FBXO36: variants seen among roughly 807,000 people sequenced by gnomAD.
FBXO36 encodes F-box protein 36, also known as F-box only protein 36.
Under a neutral mutation model 17.0 loss-of-function variants are expected in FBXO36, and 18 were observed. That is an observed-to-expected ratio of 1.06 (90% CI 0.73 to 1.57). FBXO36 has a LOEUF of 1.57. FBXO36 is among the 40% of genes most tolerant of loss of function. The pLI is 0.00. For synonymous variants in FBXO36, 83 were observed against 85.3 expected (o/e 0.97, Z 0.15); for missense variants, 229 against 221.9 (o/e 1.03, Z -0.20).
At chr2:229,980,482 G>T (rs939488957) in intron 2 of FBXO36, among the ~76,000 whole-genome samples, 2 of 152,118 alleles carry the variant, frequency 1.3e-5, no homozygotes, top group African/African-American at 4.8e-5. Context: ...TGGAGATGGG[G>T]ATTTGGGCCA....
At chr2:229,978,536 G>A (rs562394080) in intron 2 of FBXO36, among the ~76,000 whole-genome samples, 13 of 149,302 alleles carry the variant, frequency 8.7e-5, no homozygotes, top group African/African-American at 2.7e-4. Flanking sequence ...GCGGTGAGCC[G>A]AGATCACGCC....
rs2077321514 is a variant in FBXO36 at position 229,995,582 on chromosome 2, CTCTT to C, written c.206-1155_206-1152del. ...CCTTCCTTTCTTTCTTTCTTTCTTT[CTCTT>C]TCTTTCTTTCTTTTTTTTTTTTTTG... On this transcript the variant is annotated intron_variant, in intron 2 of 3. Coordinates refer to ENST00000283946, the MANE Select transcript of FBXO36 (RefSeq NM_174899.5). 5.1e-5 allele frequency among the ~76,000 whole-genome samples: 5 copies of C among 98,698 alleles called. No individual in the cohort carries two copies. The East Asian group carries it at 8.8e-4, about 17-fold the overall frequency. 64.7% of individuals were successfully genotyped at this position (98,698 alleles called of 152,430 possible).
rs143025229 is a variant in FBXO36 at position 229,970,483 on chromosome 2, G to A, written c.97-5758G>A. ...GAAGAGTGCACTTTTAACCTAGGCT[G>A]TAAATAGTTATGGGAGGGCATAGTG... On this transcript the variant is annotated intron_variant, in intron 1 of 3. Transcript: ENST00000283946. Among the ~76,000 whole-genome samples, 530 of 152,300 alleles carry A rather than the reference G, an allele frequency of 3.5e-3. 7 individuals are homozygous for A. Among genetic ancestry groups the A allele is most frequent in the South Asian group, 0.032 (154 of 4,828 alleles).
intron 2 of FBXO36, among the ~76,000 whole-genome samples, chr2:229,992,934 CCT>C (rs2077305301): frequency 6.6e-6 from 1 of 152,130 alleles, no homozygotes; most frequent in Non-Finnish European, 1.5e-5. Flanking sequence ...GTCTCATGGA[CCT>C]CTCCATAGTG....
Position 230,005,689 on chromosome 2 carries a change from A to G in FBXO36, c.379-5007A>G, listed in dbSNP as rs149605446. The stretch of plus-strand genomic sequence containing the variant: ...TTATTCATTCATTCATTTATTTGAG[A>G]TGGAGTCTCACTCTGTTACTCAGGT... On this transcript the variant is annotated intron_variant, in intron 3 of 3. Coordinates refer to ENST00000283946, the MANE Select transcript of FBXO36 (RefSeq NM_174899.5). 9.7e-4 allele frequency among the ~76,000 whole-genome samples: 147 copies of G among 152,304 alleles called. 1 individual carries two copies. In the East Asian group the frequency reaches 0.012, roughly 13 times the overall value.
Position 229,938,216 on chromosome 2 carries a change from C to CTTTTTTTT in FBXO36, c.96+15622_96+15629dup, listed in dbSNP as rs71049603. ...AACCGGATTGGTTAGATACAACTTT[C>CTTTTTTTT]TTTTTTTTTTTTTTTTTTTTTTGAG... is the stretch of plus-strand genomic sequence containing the variant. On this transcript the variant is annotated intron_variant, in intron 1 of 3. Coordinates refer to ENST00000283946, the MANE Select transcript of FBXO36 (RefSeq NM_174899.5). Among the ~76,000 whole-genome samples, 30 of 73,242 alleles carry CTTTTTTTT rather than the reference C, an allele frequency of 4.1e-4. 2 individuals carry two copies. Among genetic ancestry groups the CTTTTTTTT allele is most frequent in the South Asian group, 1.1e-3 (2 of 1,752 alleles). The allele number at this position is 73,242 out of a possible 152,430, so 48.0% of individuals were successfully genotyped here.
At chr2:230,004,647 A>G (rs2077377386) in intron 3 of FBXO36, among the ~76,000 whole-genome samples, 1 of 152,196 alleles carries the variant, frequency 6.6e-6, no homozygotes, top group South Asian at 2.1e-4. Context: ...GCATGTAGTA[A>G]CATATTATAT....
At chr2:229,967,528 T>C (rs1028913692) in intron 1 of FBXO36, among the ~76,000 whole-genome samples, 1 of 152,194 alleles carries the variant, frequency 6.6e-6, no homozygotes, top group South Asian at 2.1e-4. Context: ...CATAAATAGC[T>C]GTTATTATTT....
intron 2 of FBXO36, among the ~76,000 whole-genome samples, chr2:229,982,424 A>G (rs1306986857): frequency 2.6e-5 from 4 of 152,012 alleles, no homozygotes; most frequent in Non-Finnish European, 5.9e-5. Flanking sequence ...TTCTCTGACT[A>G]TGACTCTCCT....
chr2:229,935,034 A>C (rs1489165595), intron 1 of FBXO36, among the ~76,000 whole-genome samples: 1 of 152,212 alleles, frequency 6.6e-6, no homozygotes, highest in Non-Finnish European at 1.5e-5. Flanking sequence ...AATCCAAAAG[A>C]AAATACCTGC....
intron 3 of FBXO36, among the ~76,000 whole-genome samples, chr2:229,998,695 T>C (rs1486850105): frequency 6.6e-6 from 1 of 151,434 alleles, no homozygotes; most frequent in African/African-American, 2.4e-5. Context: ...GGAGGCTGAA[T>C]AGGAGGATCA....
At chr2:229,968,611 G>A (rs2077165507) in intron 1 of FBXO36, among the ~76,000 whole-genome samples, 1 of 152,034 alleles carries the variant, frequency 6.6e-6, no homozygotes. Flanking sequence ...GGGACTACAG[G>A]CGTGTGCTAC....
intron 3 of FBXO36, among the ~76,000 whole-genome samples, chr2:230,000,606 C>T (rs994677352): frequency 7.9e-5 from 12 of 151,908 alleles, no homozygotes; most frequent in African/African-American, 1.2e-4. Context: ...TTATTTCTCA[C>T]GCTGAGCGGC....
chr2:229,973,699 G>A (rs1337189481), intron 1 of FBXO36, among the ~76,000 whole-genome samples: 1 of 145,514 alleles, frequency 6.9e-6, no homozygotes, highest in Non-Finnish European at 1.5e-5. Flanking sequence ...CCAGCCTAGG[G>A]ACAGAGCAAG....
chr2:229,967,531 T>C (rs577387658), intron 1 of FBXO36, among the ~76,000 whole-genome samples: 18 of 152,346 alleles, frequency 1.2e-4, no homozygotes, highest in African/African-American at 4.1e-4. Flanking sequence ...AAATAGCTGT[T>C]ATTATTTTGA....
chr2:229,951,954 C>A (rs1049789094), intron 1 of FBXO36, among the ~76,000 whole-genome samples: 8 of 152,198 alleles, frequency 5.3e-5, no homozygotes, highest in African/African-American at 1.4e-4. Flanking sequence ...AAAGCTCTCG[C>A]CAAGTTTTGC....
At chr2:229,959,713 G>A (rs933832902) in intron 1 of FBXO36, among the ~76,000 whole-genome samples, 2 of 152,026 alleles carry the variant, frequency 1.3e-5, no homozygotes, top group African/African-American at 2.4e-5. Flanking sequence ...GAGCGTGGTG[G>A]TGGGCGCCTG....
At chr2:229,996,450 C>T (rs539240778) in intron 2 of FBXO36, among the ~76,000 whole-genome samples, 34 of 152,094 alleles carry the variant, frequency 2.2e-4, no homozygotes, top group African/African-American at 7.5e-4. Context: ...AGACCAATTA[C>T]GTTAGTGGTA....
At chr2:229,930,807 C>T (rs945613024) in intron 1 of FBXO36, among the ~76,000 whole-genome samples, 4 of 152,136 alleles carry the variant, frequency 2.6e-5, no homozygotes, top group African/African-American at 7.2e-5. Context: ...AGAACCTCAG[C>T]CCAGCTCAGC....
Sources: allele counts gnomAD v4.1 joint callset (sites outside exome capture counted in the v4.1 genomes callset), GRCh38; gene constraint gnomAD v4.1.1; transcripts MANE v1.5; gene names NCBI Gene and HGNC (gene_info 2026-07-23, HGNC 2026-07-21).